Variants in GREB1 observed in about 807,000 individuals in gnomAD.
GREB1 encodes protein GREB1.
In GREB1, 106 loss-of-function variants were observed where a neutral mutation model predicts 200.7. The ratio of observed to expected loss-of-function variants is 0.53; its 90% confidence interval spans 0.45 to 0.62. The LOEUF is 0.62. GREB1 is among the 20% of genes least tolerant of loss of function. The pLI is 0.00. For synonymous variants in GREB1, 1,132 were observed against 1,092.4 expected, an observed-to-expected ratio of 1.04 and a Z score of -0.72; for missense variants, 2,243 against 2,556.8, an observed-to-expected ratio of 0.88 and a Z score of 2.65.
At chr2:11,626,281 C>T (rs138227712) in intron 24 of GREB1, among the ~76,000 whole-genome samples, 55 of 151,990 alleles carry the variant, frequency 3.6e-4, no homozygotes, top group African/African-American at 1.3e-3. Context: ...TCTTAATCGG[C>T]GAGGTCATTT....
chr2:11,535,823 C>T (rs1674267257), intron 1 of GREB1, among the ~76,000 whole-genome samples: 1 of 152,202 alleles, frequency 6.6e-6, no homozygotes, highest in South Asian at 2.1e-4. Flanking sequence ...TGACCGTGCC[C>T]ACTAAATCTC....
chr2:11,581,130 G>T lies in GREB1; in HGVS notation c.901+298G>T, dbSNP rs189893432. 33 of 602,018 alleles carry T rather than the reference G, an allele frequency of 5.5e-5. No homozygotes were observed. The African/African-American group carries it at 5.9e-4, about 11-fold the overall frequency. 37.3% of individuals were successfully genotyped at this position (602,018 alleles called of 1,614,324 possible). Reference sequence around the variant, plus strand: ...ACAGCTGGAGGATGGTAGAATTTTGGAGCAATAGTGGGCAGTGTGTTGTTG... The same window carrying T: ...ACAGCTGGAGGATGGTAGAATTTTGTAGCAATAGTGGGCAGTGTGTTGTTG... On this transcript the variant is annotated intron_variant, in intron 7 of 32. Coordinates refer to ENST00000381486, the MANE Select transcript of GREB1 (RefSeq NM_014668.4).
At chr2:11,549,565 T>C (rs185947248) in intron 1 of GREB1, among the ~76,000 whole-genome samples, 2 of 152,382 alleles carry the variant, frequency 1.3e-5, no homozygotes, top group Admixed American at 6.5e-5. Flanking sequence ...TGTCCTGTTA[T>C]GCAATAACAA....
intron 1 of GREB1, among the ~76,000 whole-genome samples, chr2:11,486,742 C>T (rs1672665416): frequency 6.6e-6 from 1 of 151,886 alleles, no homozygotes; most frequent in Non-Finnish European, 1.5e-5. Flanking sequence ...GTGGTGTGTG[C>T]CTGTAATTCC....
chr2:11,618,981 G>GT, intron 22 of GREB1, 62 bp downstream of exon 22: 4 of 1,392,430 alleles, frequency 2.9e-6, no homozygotes, highest in Non-Finnish European at 3.8e-6. Flanking sequence ...ACTCCCATCT[G>GT]GAGGGCAGGC....
intron 17 of GREB1, among the ~76,000 whole-genome samples, chr2:11,606,667 G>A (rs1053495957): frequency 8.6e-5 from 13 of 151,618 alleles, no homozygotes; most frequent in Admixed American, 5.3e-4. Flanking sequence ...TTTAAACTTC[G>A]TTTCTTGTAG....
intron 4 of GREB1, among the ~76,000 whole-genome samples, chr2:11,569,457 C>T (rs1572741951): frequency 1.3e-5 from 2 of 152,056 alleles, no homozygotes; most frequent in South Asian, 4.2e-4. Flanking sequence ...CTCCGGCAAT[C>T]GGAGGAGCAC....
intron 15 of GREB1, 112 bp downstream of exon 15, chr2:11,598,972 G>A: frequency 1.1e-6 from 1 of 919,248 alleles, no homozygotes; most frequent in Non-Finnish European, 1.7e-6. Flanking sequence ...TGATGTTTGG[G>A]CTTGGTGTTT....
At position 11,637,933 on chromosome 2, in the gene GREB1, G is replaced by T. The variant is rs752444949; in HGVS notation, c.5547+17G>T. On this transcript the variant is annotated intron_variant, in intron 31 of 32. Transcript: ENST00000381486. ...GGATCTCAGGTGACTTTCAGAGGGG[G>T]TGCTGTCGAATCCCTAATTCAGAGA... is the stretch of plus-strand genomic sequence containing the variant. 14 of 1,599,620 alleles carry T rather than the reference G, an allele frequency of 8.8e-6. No individual in the cohort carries two copies. In the African/African-American group the frequency reaches 1.6e-4, roughly 18 times the overall value.
intron 27 of GREB1, among the ~76,000 whole-genome samples, chr2:11,632,323 C>T (rs1003052497): frequency 6.9e-6 from 1 of 144,180 alleles, no homozygotes; most frequent in African/African-American, 2.5e-5. Context: ...TATTTTCTTT[C>T]TTTCTTTCTC....
intron 1 of GREB1, among the ~76,000 whole-genome samples, chr2:11,514,236 T>A (rs1461756364): frequency 6.6e-6 from 1 of 152,230 alleles, no homozygotes; most frequent in Admixed American, 6.5e-5. Flanking sequence ...CTTATTTACA[T>A]AGAGTTCTCA....
intron 1 of GREB1, among the ~76,000 whole-genome samples, chr2:11,498,279 G>T (rs1672942415): frequency 6.6e-6 from 1 of 151,966 alleles, no homozygotes; most frequent in Non-Finnish European, 1.5e-5. Flanking sequence ...TTTTGTAAAA[G>T]GTTTAGGTTT....
chr2:11,560,280 C>T (rs1676873061), intron 2 of GREB1, among the ~76,000 whole-genome samples: 1 of 152,180 alleles, frequency 6.6e-6, no homozygotes, highest in Non-Finnish European at 1.5e-5. Flanking sequence ...TCTCTTTCTA[C>T]TACACATGAT....
rs766720144 is a variant in GREB1 at position 11,610,829 on chromosome 2, C to G, written c.2808C>G (p.Leu936=). 1.2e-6 allele frequency: 2 copies of G among 1,613,442 alleles called. No homozygotes were observed. Among genetic ancestry groups the G allele is most frequent in the East Asian group, 2.2e-5 (1 of 44,890 alleles). Residue 936 remains leucine, a synonymous_variant, in exon 18 of 33, where the codon CTC becomes CTG. Coordinates refer to ENST00000381486, the MANE Select transcript of GREB1 (RefSeq NM_014668.4). ...VETLEITQNL[L]NSPKQCPCGH... Reference sequence around the variant, plus strand: ...CGCTGGAGATCACGCAGAACCTCCTCAACTCCCCGAAGCAGTGCCCCTGCG... The same window carrying G: ...CGCTGGAGATCACGCAGAACCTCCTGAACTCCCCGAAGCAGTGCCCCTGCG...
At position 11,625,849 on chromosome 2, in the gene GREB1, A is replaced by G. The variant is rs150380756; in HGVS notation, c.4306+537A>G. ...ACATACCTGAGACTGGGTAATTTAT[A>G]AAGAAAAAGAGGCTTAATTGACTCA... On this transcript the variant is annotated intron_variant, in intron 24 of 32. Coordinates refer to ENST00000381486, the MANE Select transcript of GREB1 (RefSeq NM_014668.4). Among the ~76,000 whole-genome samples, 924 of 152,304 alleles carry G rather than the reference A, an allele frequency of 6.1e-3. 14 individuals carry two copies. The highest frequency in any genetic ancestry group is 0.021 in the African/African-American group (862 of 41,574).
At chr2:11,635,448 G>A in intron 30 of GREB1, 43 bp downstream of exon 30, 3 of 1,564,130 alleles carry the variant, frequency 1.9e-6, no homozygotes, top group Non-Finnish European at 2.6e-6. Context: ...TCCACCGCCT[G>A]GGCCGCCCTG....
At chr2:11,519,875 G>A (rs754420325) in intron 1 of GREB1, among the ~76,000 whole-genome samples, 5 of 152,150 alleles carry the variant, frequency 3.3e-5, no homozygotes, top group Admixed American at 6.5e-5. Flanking sequence ...GTTGGCTCAC[G>A]TCTATAATCC....
intron 1 of GREB1, among the ~76,000 whole-genome samples, chr2:11,537,167 T>C (rs576516271): frequency 2.5e-4 from 38 of 152,272 alleles, no homozygotes; most frequent in African/African-American, 8.4e-4. Context: ...TTTCACCATG[T>C]TGGCTAGGCT....
At chr2:11,582,719 T>C (rs1221286728) in intron 7 of GREB1, among the ~76,000 whole-genome samples, 9 of 152,252 alleles carry the variant, frequency 5.9e-5, no homozygotes, top group Non-Finnish European at 1.2e-4. Context: ...GGCATGACGC[T>C]GGCTGGGTTG....
Sources: allele counts gnomAD v4.1 joint callset (sites outside exome capture counted in the v4.1 genomes callset), GRCh38; gene constraint gnomAD v4.1.1; transcripts MANE v1.5; gene names NCBI Gene and HGNC (gene_info 2026-07-23, HGNC 2026-07-21).